FEM1C: variants seen among roughly 807,000 people sequenced by gnomAD.
The protein encoded by FEM1C is protein fem-1 homolog C.
In FEM1C, 15 loss-of-function variants were observed where a neutral mutation model predicts 37.6. The observed-to-expected ratio is 0.40, with a 90% CI of 0.27 to 0.61. FEM1C has a LOEUF of 0.61. FEM1C is among the 20% of genes least tolerant of loss of function. FEM1C has a pLI of 0.42. For missense variants in FEM1C, 532 were observed against 749.7 expected (o/e 0.71, Z 3.39); for synonymous variants, 287 against 272.8 (o/e 1.05, Z -0.51).
chr5:115,543,250 C>G lies in FEM1C; in HGVS notation c.244G>C (p.Glu82Gln). ...GCGGCCCATAAAGGGGGAGCCCCCT[C>G]AATGGTTTCGCCATCAAAATTGACG... ...GSVNFDGETI[E>Q]GAPPLWAASA... Residue 82 changes from glutamate to glutamine, a missense_variant, in exon 2 of 3, where the codon GAG becomes CAG. Glu to Gln is a conservative substitution (Grantham distance 29). This residue lies in a region of FEM1C where 221 missense variants were observed against 404.1 expected (regional missense o/e 0.55). Transcript: ENST00000274457. 1.2e-6 allele frequency: 2 copies of G among 1,614,204 alleles called. No homozygotes were observed. The highest frequency in any genetic ancestry group is 1.7e-6 in the Non-Finnish European group (2 of 1,180,026).
At chr5:115,529,696 A>C (rs1162644282) in intron 2 of FEM1C, among the ~76,000 whole-genome samples, 1 of 152,038 alleles carries the variant, frequency 6.6e-6, no homozygotes, top group African/African-American at 2.4e-5. Context: ...GAAATAAAAC[A>C]CTTGACAGCA....
chr5:115,527,544 T>A (rs1248063149), intron 2 of FEM1C, among the ~76,000 whole-genome samples: 10 of 152,190 alleles, frequency 6.6e-5, no homozygotes, highest in African/African-American at 2.4e-4. Context: ...CAATTAAACA[T>A]GACTACTACA....
At chr5:115,536,488 T>C (rs1347859954) in intron 2 of FEM1C, among the ~76,000 whole-genome samples, 2 of 151,832 alleles carry the variant, frequency 1.3e-5, no homozygotes, top group Non-Finnish European at 2.9e-5. Context: ...TGTGGTTCAA[T>C]TGCACAATAA....
At chr5:115,534,856 G>A (rs773244724) in intron 2 of FEM1C, among the ~76,000 whole-genome samples, 16 of 151,852 alleles carry the variant, frequency 1.1e-4, no homozygotes, top group Admixed American at 8.5e-4. Flanking sequence ...TGATACCTAC[G>A]CTGCTGGTCC....
Position 115,521,692 on chromosome 5 carries a change from A to C in FEM1C, c.*2616T>G, listed in dbSNP as rs1753779274. 2.6e-5 allele frequency: 4 copies of C among 151,950 alleles called. No individual in the cohort carries two copies. The South Asian group carries it at 8.3e-4, about 32-fold the overall frequency. The allele number at this position is 151,950 out of a possible 1,614,324, so 9.4% of individuals were successfully genotyped here. The stretch of plus-strand genomic sequence containing the variant: ...GTGCTACAGTGTACAGTTTAGTTAG[A>C]CTCAAGAGTGTAATTGGTTCATTAT... On this transcript the variant is annotated 3_prime_UTR_variant, in exon 3 of 3. Coordinates refer to ENST00000274457, the MANE Select transcript of FEM1C (RefSeq NM_020177.3).
Position 115,525,184 on chromosome 5 carries a change from T to C in FEM1C, c.978A>G (p.Arg326=). ...GATGAGAAGGACCAAGAATACGTTCTCTGATTAATAGTGCCTGCATTCTCA... is the reference window on the plus strand; with the variant it reads ...GATGAGAAGGACCAAGAATACGTTCCCTGATTAATAGTGCCTGCATTCTCA... ...DEMRMQALLI[R]ERILGPSHPD... is the part of the protein sequence containing the mutation. The change falls in exon 3 of 3, where the codon AGA becomes AGG. Residue 326 remains arginine (R), a synonymous_variant. Transcript: ENST00000274457. 6.2e-7 allele frequency: 1 copy of C among 1,613,564 alleles called. No homozygotes were observed. The highest frequency in any genetic ancestry group is 1.1e-5 in the South Asian group (1 of 91,066).
Position 115,525,468 on chromosome 5 carries a change from A to G in FEM1C, c.694T>C (p.Phe232Leu), listed in dbSNP as rs1301741861. Residue 232 changes from phenylalanine to leucine, a missense_variant, in exon 3 of 3, where the codon TTT (phenylalanine) becomes CTT (leucine). Around this residue, in one of 3 missense-constraint regions of FEM1C, gnomAD observed 221 missense variants for 404.1 expected, o/e 0.55. Coordinates refer to ENST00000274457, the MANE Select transcript of FEM1C (RefSeq NM_020177.3). Reference sequence around the variant, plus strand: ...CTGGTCTGTGCATGGTGTGTCAGAAAATCCACAATATTTGTGTGACCAGTC... The same window carrying G: ...CTGGTCTGTGCATGGTGTGTCAGAAGATCCACAATATTTGTGTGACCAGTC... ...SVTGHTNIVD[F>L]LTHHAQTSKT... is the part of the protein sequence containing the mutation. 1 of 1,613,692 alleles carries G rather than the reference A, an allele frequency of 6.2e-7. No homozygotes were observed.
At position 115,524,062 on chromosome 5, in the gene FEM1C, G is replaced by A. The variant is rs1363614058; in HGVS notation, c.*246C>T. On this transcript the variant is annotated 3_prime_UTR_variant, in exon 3 of 3. Coordinates refer to ENST00000274457, the MANE Select transcript of FEM1C (RefSeq NM_020177.3). ...CAAAACCAGAATGAATAAGCCTTTG[G>A]CAGACAATTTTAGAAATTTGAATGT... 2 of 410,118 alleles carry A rather than the reference G, an allele frequency of 4.9e-6. No individual in the cohort carries two copies. Among genetic ancestry groups the A allele is most frequent in the Middle Eastern group, 1.3e-3 (2 of 1,554 alleles). 25.4% of individuals were successfully genotyped at this position (410,118 alleles called of 1,614,324 possible). A position where few individuals can be genotyped will look rare whatever the true frequency, so the allele number is the denominator to read the frequency against.
chr5:115,529,469 C>G (rs1044234438), intron 2 of FEM1C, among the ~76,000 whole-genome samples: 2 of 151,780 alleles, frequency 1.3e-5, no homozygotes, highest in Non-Finnish European at 2.9e-5. Context: ...AATAAAGAAC[C>G]CTTTCAGGAA....
intron 2 of FEM1C, among the ~76,000 whole-genome samples, chr5:115,541,091 A>G (rs1754231781): frequency 6.6e-6 from 1 of 152,142 alleles, no homozygotes; most frequent in Non-Finnish European, 1.5e-5. Context: ...ATGTTTACAG[A>G]AACATTTTTT....
intron 2 of FEM1C, among the ~76,000 whole-genome samples, chr5:115,540,606 T>G (rs1489315472): frequency 6.6e-6 from 1 of 151,984 alleles, no homozygotes; most frequent in Non-Finnish European, 1.5e-5. Flanking sequence ...TTGAAAGAGC[T>G]CAAAGGTAAT....
rs755247257 is a variant in FEM1C, at chr5:115,524,821, G to C, written c.1341C>G (p.His447Gln). The change falls in exon 3 of 3, where the codon CAC becomes CAG. Residue 447 changes from histidine (H) to glutamine (Q), a missense_variant. Physicochemically the swap from His to Gln is conservative, Grantham distance 24. Around this residue, in one of 3 missense-constraint regions of FEM1C, gnomAD observed 237 missense variants for 260.5 expected, o/e 0.91. Transcript: ENST00000274457. ...GAACTTTCTCTAACAAGCAAATTAA[G>C]TGCAAAATAATAGAAAGGGCCTTAT... is the stretch of plus-strand genomic sequence containing the variant. The part of the protein sequence containing the change: ...QLNKALSIIL[H>Q]LICLLEKVPC... 5 of 1,606,822 alleles carry C rather than the reference G, an allele frequency of 3.1e-6. No homozygotes were observed. The highest frequency in any genetic ancestry group is 4.2e-6 in the Non-Finnish European group (5 of 1,177,034).
At chr5:115,527,948 C>A (rs1415705918) in intron 2 of FEM1C, among the ~76,000 whole-genome samples, 1 of 127,936 alleles carries the variant, frequency 7.8e-6, no homozygotes, top group South Asian at 2.4e-4. Flanking sequence ...TTGCAGTAAG[C>A]AGAGATCATG....
rs1446697969 is a variant in FEM1C at position 115,524,186 on chromosome 5, C to T, written c.*122G>A. 2.7e-6 allele frequency: 2 copies of T among 728,656 alleles called. No individual in the cohort carries two copies. The highest frequency in any genetic ancestry group is 2.7e-5 in the East Asian group (1 of 37,174). The allele number at this position is 728,656 out of a possible 1,614,324, so 45.1% of individuals were successfully genotyped here. A position where few individuals can be genotyped will look rare whatever the true frequency, so the allele number is the denominator to read the frequency against. ...AAATTTGATGCTTATAATGCTTTAG[C>T]CAATGAGAGCACAATGATATCAATC... On this transcript the variant is annotated 3_prime_UTR_variant, in exon 3 of 3. Coordinates refer to ENST00000274457, the MANE Select transcript of FEM1C (RefSeq NM_020177.3).
At chr5:115,526,272 C>T (rs1753889692) in intron 2 of FEM1C, among the ~76,000 whole-genome samples, 1 of 152,006 alleles carries the variant, frequency 6.6e-6, no homozygotes, top group African/African-American at 2.4e-5. Context: ...CTGTCTTAGC[C>T]AAAATTCTTG....
Position 115,543,570 on chromosome 5 carries a change from G to T in FEM1C, c.-77C>A. On this transcript the variant is annotated 5_prime_UTR_variant, in exon 2 of 3. Transcript: ENST00000274457. ...AGTTTAACTCTATCGACACAGGCAAGAGTCACAGGAACCAAAGTCCAATGT... is the reference window on the plus strand; with the variant it reads ...AGTTTAACTCTATCGACACAGGCAATAGTCACAGGAACCAAAGTCCAATGT... The T allele has an allele frequency of 6.6e-7, 1 of 1,510,718 alleles. No homozygotes were observed. The highest frequency in any genetic ancestry group is 8.8e-7 in the Non-Finnish European group (1 of 1,141,470). The allele number at this position is 1,510,718 out of a possible 1,614,324, so 93.6% of individuals were successfully genotyped here.
intron 2 of FEM1C, among the ~76,000 whole-genome samples, chr5:115,531,872 C>T (rs917433242): frequency 7.9e-5 from 12 of 152,068 alleles, no homozygotes; most frequent in Non-Finnish European, 1.6e-4. Context: ...TGCTCTAACC[C>T]GGAGACATGG....
At chr5:115,542,838 T>A in intron 2 of FEM1C, 112 bp downstream of exon 2, 1 of 1,305,370 alleles carries the variant, frequency 7.7e-7, no homozygotes, top group Non-Finnish European at 1.1e-6. Context: ...ACTTACCTAA[T>A]CAAAACAGGT....
chr5:115,524,554 A>T lies in FEM1C; in HGVS notation c.1608T>A (p.Ala536=). The change falls in exon 3 of 3, where the codon GCT becomes GCA. Residue 536 remains alanine, a synonymous_variant. Transcript: ENST00000274457. ...TCATGATGTCTGGATGGTTGTTAAG[A>T]GCAGCGATATGCAGGGGACTGTTGT... ...SDDNSPLHIA[A]LNNHPDIMNL... 6.2e-7 allele frequency: 1 copy of T among 1,613,478 alleles called. No individual in the cohort carries two copies. Among genetic ancestry groups the T allele is most frequent in the Non-Finnish European group, 8.5e-7 (1 of 1,179,670 alleles).
Sources: allele counts gnomAD v4.1 joint callset (sites outside exome capture counted in the v4.1 genomes callset), GRCh38; gene constraint gnomAD v4.1.1; regional missense constraint gnomAD v4.1.1; transcripts MANE v1.5; gene names NCBI Gene and HGNC (gene_info 2026-07-23, HGNC 2026-07-21).